EXOC4: variants seen among roughly 807,000 people sequenced by gnomAD.
EXOC4 encodes the protein exocyst complex component 4.
In EXOC4, 71 loss-of-function variants were observed where a neutral mutation model predicts 107.2. That is an observed-to-expected ratio of 0.66 (90% CI 0.55 to 0.81). The LOEUF (loss-of-function observed/expected upper bound fraction) is 0.81. EXOC4 is among the 30% of genes least tolerant of loss of function. The pLI, the probability that EXOC4 is intolerant of heterozygous loss-of-function variation, is 0.00. For synonymous variants in EXOC4, 456 were observed against 441.2 expected (o/e 1.03, Z -0.42); for missense variants, 1,108 against 1,189.6 (o/e 0.93, Z 1.01).
intron 10 of EXOC4, among the ~76,000 whole-genome samples, chr7:133,775,470 A>G (rs1000769603): frequency 6.6e-6 from 1 of 152,182 alleles, no homozygotes; most frequent in African/African-American, 2.4e-5. Context: ...CTCTGTTTAT[A>G]TATTCTTGTC....
chr7:133,881,487 T>C (rs1266044994), intron 11 of EXOC4, among the ~76,000 whole-genome samples: 2 of 152,182 alleles, frequency 1.3e-5, no homozygotes, highest in African/African-American at 4.8e-5. Flanking sequence ...TTCACCCCAG[T>C]CCAATTAACT....
chr7:133,676,850 G>A (rs972531939), intron 10 of EXOC4, among the ~76,000 whole-genome samples: 1 of 151,366 alleles, frequency 6.6e-6, no homozygotes, highest in Non-Finnish European at 1.5e-5. Flanking sequence ...AGTTTCTTAT[G>A]TATATTATAG....
intron 9 of EXOC4, among the ~76,000 whole-genome samples, chr7:133,605,787 T>A (rs1340577986): frequency 6.6e-6 from 1 of 152,136 alleles, no homozygotes; most frequent in African/African-American, 2.4e-5. Flanking sequence ...AGCATATAGA[T>A]GGTACTTAAA....
At position 133,817,345 on chromosome 7, in the gene EXOC4, A is replaced by G. The variant is rs1797396268; in HGVS notation, c.1535A>G (p.His512Arg). ...PLLRFIQEIE[H>R]ALGLGPAKQC... ...TCCAGATTTATTCAGGAGATTGAGCATGCTCTGGGTCTTGGCCCAGCCAAA... is the reference window on the plus strand; with the variant it reads ...TCCAGATTTATTCAGGAGATTGAGCGTGCTCTGGGTCTTGGCCCAGCCAAA... Residue 512 changes from histidine to arginine, a missense_variant, in exon 11 of 18, where the codon CAT becomes CGT. Physicochemically the swap from His to Arg is conservative, Grantham distance 29 (BLOSUM62 0). Transcript: ENST00000253861. 6.2e-7 allele frequency: 1 copy of G among 1,613,638 alleles called. No homozygotes were observed. Among genetic ancestry groups the G allele is most frequent in the Non-Finnish European group, 8.5e-7 (1 of 1,179,722 alleles).
chr7:133,959,610 C>T (rs1025074617), intron 14 of EXOC4, among the ~76,000 whole-genome samples: 1 of 151,296 alleles, frequency 6.6e-6, no homozygotes, highest in Non-Finnish European at 1.5e-5. Context: ...ATGAAAGGAC[C>T]CAGTGGATGA....
chr7:134,045,571 C>G (rs12707134), intron 17 of EXOC4, among the ~76,000 whole-genome samples: 44,458 of 152,122 alleles, frequency 0.29, 6,698 homozygotes, highest in South Asian at 0.41. Flanking sequence ...GTTAAGAAGT[C>G]AGGGTTCCAG....
chr7:133,254,360 G>A (rs558782178), intron 1 of EXOC4, among the ~76,000 whole-genome samples: 1 of 152,330 alleles, frequency 6.6e-6, no homozygotes, highest in East Asian at 1.9e-4. Flanking sequence ...TACAGAGGAA[G>A]TGCTGTTGTA....
intron 9 of EXOC4, among the ~76,000 whole-genome samples, chr7:133,508,108 GA>G (rs1799699752): frequency 6.6e-6 from 1 of 151,806 alleles, no homozygotes; most frequent in African/African-American, 2.4e-5. Flanking sequence ...CAAATACACA[GA>G]TTTTTTTTTT....
chr7:133,521,448 A>T (rs1799977912), intron 9 of EXOC4, among the ~76,000 whole-genome samples: 1 of 152,182 alleles, frequency 6.6e-6, no homozygotes, highest in Non-Finnish European at 1.5e-5. Context: ...ATTGGAAAGT[A>T]TTTATTTGTT....
intron 14 of EXOC4, among the ~76,000 whole-genome samples, chr7:133,961,825 G>A (rs1585281258): frequency 6.6e-6 from 1 of 152,192 alleles, no homozygotes; most frequent in Non-Finnish European, 1.5e-5. Context: ...TCTTAGACCA[G>A]ACTCTTTCAA....
chr7:134,083,736 A>G, the EXOC4 span, among the ~76,000 whole-genome samples: 1 of 152,222 alleles, frequency 6.6e-6, no homozygotes, highest in Non-Finnish European at 1.5e-5. Context: ...TTGTAGTCCT[A>G]AAACTAGCAT....
chr7:133,842,014 C>T (rs777184034), intron 11 of EXOC4, among the ~76,000 whole-genome samples: 5 of 152,118 alleles, frequency 3.3e-5, no homozygotes, highest in Non-Finnish European at 5.9e-5. Flanking sequence ...TAGTATTCCA[C>T]GGTGTATATG....
chr7:133,390,510 A>T (rs1032584295), intron 7 of EXOC4, among the ~76,000 whole-genome samples: 5 of 152,190 alleles, frequency 3.3e-5, no homozygotes, highest in Non-Finnish European at 7.3e-5. Flanking sequence ...CAGAGCAAGC[A>T]GGACAGAAAG....
intron 9 of EXOC4, among the ~76,000 whole-genome samples, chr7:133,517,114 A>G (rs561262387): frequency 1.3e-5 from 2 of 152,264 alleles, no homozygotes; most frequent in East Asian, 3.9e-4. Flanking sequence ...CATTTATTTA[A>G]AAGACAAATA....
At chr7:133,982,673 A>G (rs1049544201) in intron 14 of EXOC4, among the ~76,000 whole-genome samples, 2 of 152,228 alleles carry the variant, frequency 1.3e-5, no homozygotes, top group South Asian at 2.1e-4. Context: ...CTAAGCCTTT[A>G]TATAGTTTCT....
chr7:133,875,152 T>C (rs2116414651), intron 11 of EXOC4, among the ~76,000 whole-genome samples: 1 of 152,354 alleles, frequency 6.6e-6, no homozygotes, highest in South Asian at 2.1e-4. Context: ...TCTAGTGTTA[T>C]ACTTGTTCCT....
chr7:133,430,061 G>A (rs932714144), intron 7 of EXOC4, among the ~76,000 whole-genome samples: 2 of 152,142 alleles, frequency 1.3e-5, no homozygotes, highest in Non-Finnish European at 2.9e-5. Context: ...CTGAGTTTTT[G>A]TCTAGCATCC....
intron 14 of EXOC4, among the ~76,000 whole-genome samples, chr7:133,971,361 T>TAGAGAGAG (rs1186165891): frequency 7.9e-4 from 59 of 75,050 alleles, no homozygotes; most frequent in African/African-American, 3.3e-3. Flanking sequence ...TATATATATA[T>TAGAGAGAG]AGAGAGAGAG....
chr7:133,873,625 A>G lies in EXOC4; in HGVS notation c.1735-21974A>G, dbSNP rs534308915. On this transcript the variant is annotated intron_variant, in intron 11 of 17. Coordinates refer to ENST00000253861, the MANE Select transcript of EXOC4 (RefSeq NM_021807.4). ...ATTATTTTATGAAAACAGTGGTAAT[A>G]TAGATAATCTCCCTTTGCTTTGTTT... Among the ~76,000 whole-genome samples, 8 of 152,364 alleles carry G rather than the reference A, an allele frequency of 5.3e-5. No homozygotes were observed. In the East Asian group the frequency reaches 1.5e-3, roughly 29 times the overall value.
Sources: gnomAD v4.1 joint callset for allele counts (sites outside exome capture counted in the v4.1 genomes callset) on GRCh38, gnomAD v4.1.1 for gene constraint, MANE v1.5 for transcripts, NCBI Gene and HGNC (gene_info 2026-07-23, HGNC 2026-07-21) for gene names.